MYO5A: variants seen among roughly 807,000 people sequenced by gnomAD.
MYO5A encodes unconventional myosin-Va.
In MYO5A, 98 loss-of-function variants were observed where a neutral mutation model predicts 249.7. The observed-to-expected ratio is 0.39, with a 90% CI of 0.33 to 0.46. The LOEUF (loss-of-function observed/expected upper bound fraction) is 0.46. Among genes scored for constraint, MYO5A ranks in the 20% least tolerant of loss-of-function variants. MYO5A has a pLI of 0.98. For missense variants in MYO5A, 1,696 were observed against 2,308.8 expected (o/e 0.73, Z 5.44); for synonymous variants, 778 against 810.6 (o/e 0.96, Z 0.68).
intron 1 of MYO5A, among the ~76,000 whole-genome samples, chr15:52,457,776 A>G (rs930405238): frequency 6.6e-6 from 1 of 152,220 alleles, no homozygotes; most frequent in African/African-American, 2.4e-5. Context: ...TTCAAGGGAA[A>G]GGAAATCAGT....
At position 52,313,581 on chromosome 15, in the gene MYO5A, T is replaced by G. The variant is rs188713510; in HGVS notation, c.*115A>C. The G allele has an allele frequency of 1.5e-6, 2 of 1,298,994 alleles. No individual in the cohort carries two copies. The highest frequency in any genetic ancestry group is 1.9e-5 in the Admixed American group (1 of 53,634). 80.5% of individuals were successfully genotyped at this position (1,298,994 alleles called of 1,614,324 possible). On this transcript the variant is annotated 3_prime_UTR_variant, in exon 42 of 42. Transcript: ENST00000399233. ...AGATTTCCAGTTAATGACTTCTCAT[T>G]TGGGAGATAATCAGTACTTTCTCTT...
intron 21 of MYO5A, among the ~76,000 whole-genome samples, chr15:52,371,293 T>C (rs2041100255): frequency 6.6e-6 from 1 of 152,178 alleles, no homozygotes; most frequent in African/African-American, 2.4e-5. Context: ...TACCTTTATA[T>C]CATTTACATG....
At chr15:52,515,643 TGAA>T (rs906392958) in intron 1 of MYO5A, among the ~76,000 whole-genome samples, 5 of 152,140 alleles carry the variant, frequency 3.3e-5, no homozygotes, top group South Asian at 2.1e-4. Context: ...TAGGGTAGTA[TGAA>T]GAAGGAGGGA....
chr15:52,397,659 A>G (rs940794020), intron 9 of MYO5A, among the ~76,000 whole-genome samples, 193 bp from the exon 10 acceptor site: 4 of 152,178 alleles, frequency 2.6e-5, no homozygotes, highest in African/African-American at 4.8e-5. Context: ...GCATTTTGCA[A>G]TCTCTTCTGG....
intron 18 of MYO5A, among the ~76,000 whole-genome samples, chr15:52,377,521 T>C (rs1485067177): frequency 1.3e-5 from 2 of 152,156 alleles, no homozygotes; most frequent in African/African-American, 4.8e-5. Context: ...TTAATCATTC[T>C]TGCATCAAAG....
intron 1 of MYO5A, among the ~76,000 whole-genome samples, chr15:52,457,293 T>A (rs2076137257): frequency 6.6e-6 from 1 of 151,666 alleles, no homozygotes; most frequent in South Asian, 2.1e-4. Flanking sequence ...AATACAAAAA[T>A]TAGCCAGGTG....
At chr15:52,499,040 G>C (rs898805230) in intron 1 of MYO5A, among the ~76,000 whole-genome samples, 3 of 152,096 alleles carry the variant, frequency 2.0e-5, no homozygotes, top group Admixed American at 6.5e-5. Context: ...AGGCTTTGTG[G>C]GGCAGAGCCA....
intron 1 of MYO5A, among the ~76,000 whole-genome samples, chr15:52,486,162 G>A (rs2076815702): frequency 1.3e-5 from 2 of 152,202 alleles, no homozygotes; most frequent in Admixed American, 6.5e-5. Flanking sequence ...AGCTGGGGGT[G>A]GGGGATGGTG....
chr15:52,309,809 T>C lies in MYO5A; in HGVS notation c.*3887A>G, dbSNP rs2037721780. On this transcript the variant is annotated 3_prime_UTR_variant, in exon 42 of 42. Transcript: ENST00000399233. ...TACCCAGAGGATCCTTGACTATGCC[T>C]GCTAAGGAACTCTATGAATTAGTGA... is the stretch of plus-strand genomic sequence containing the variant. The C allele has an allele frequency of 6.6e-6, 1 of 152,168 alleles. No individual in the cohort carries two copies. The allele number at this position is 152,168 out of a possible 1,614,324, so 9.4% of individuals were successfully genotyped here. A position where few individuals can be genotyped will look rare whatever the true frequency, so the allele number is the denominator to read the frequency against.
chr15:52,521,795 C>T (rs11854780), intron 1 of MYO5A, among the ~76,000 whole-genome samples: 22,871 of 152,116 alleles, frequency 0.15, 1,825 homozygotes, highest in Middle Eastern at 0.22. Context: ...CATGAAGAGC[C>T]AGGGATAAGT....
intron 1 of MYO5A, among the ~76,000 whole-genome samples, chr15:52,469,503 C>G (rs72623984): frequency 0.15 from 22,873 of 152,082 alleles, 1,833 homozygotes; most frequent in Middle Eastern, 0.22. Context: ...AAGAGGAGGG[C>G]TTGGTCTTGC....
chr15:52,412,142 TACTCAATAAAC>T lies in MYO5A; in HGVS notation c.613-1677_613-1667del, dbSNP rs139737674. 3.8e-3 allele frequency among the ~76,000 whole-genome samples: 572 copies of T among 152,264 alleles called. 2 individuals are homozygous for T. Among genetic ancestry groups the T allele is most frequent in the Non-Finnish European group, 6.1e-3 (418 of 68,028 alleles). ...TACATGTAGTAGAAGTAGCAGCAGCTACTCAATAAACACTCAATAAATATTAGTAACTGTCC... is the reference window on the plus strand; with the variant it reads ...TACATGTAGTAGAAGTAGCAGCAGCTACTCAATAAATATTAGTAACTGTCC... On this transcript the variant is annotated intron_variant, in intron 5 of 41. Transcript: ENST00000399233.
At position 52,376,343 on chromosome 15, in the gene MYO5A, C is replaced by G; in HGVS notation, c.2420+4G>C. ...GCACTCTACTCTGTCCCCAGGAGACCTACCATCGGGCCTGGTAGCCCCGCA... is the reference window on the plus strand; with the variant it reads ...GCACTCTACTCTGTCCCCAGGAGACGTACCATCGGGCCTGGTAGCCCCGCA... On this transcript the variant is annotated splice_donor_region_variant and intron_variant, in intron 19 of 41. Coordinates refer to ENST00000399233, the MANE Select transcript of MYO5A (RefSeq NM_001382347.1). 6.2e-7 allele frequency: 1 copy of G among 1,613,716 alleles called. No individual in the cohort carries two copies. Among genetic ancestry groups the G allele is most frequent in the Non-Finnish European group, 8.5e-7 (1 of 1,179,938 alleles).
At chr15:52,512,651 A>G (rs2141624843) in intron 1 of MYO5A, among the ~76,000 whole-genome samples, 1 of 152,270 alleles carries the variant, frequency 6.6e-6, no homozygotes, top group South Asian at 2.1e-4. Flanking sequence ...CTGGGCATTT[A>G]TTATTTTTAT....
chr15:52,429,621 A>G (rs1174279958), intron 2 of MYO5A, among the ~76,000 whole-genome samples: 3 of 152,070 alleles, frequency 2.0e-5, no homozygotes, highest in South Asian at 2.1e-4. Context: ...CCCTGGAGGC[A>G]GAGGTTGCAG....
intron 10 of MYO5A, 126 bp from the exon 11 acceptor site, chr15:52,396,523 A>T: frequency 4.7e-6 from 3 of 640,180 alleles, no homozygotes; most frequent in Non-Finnish European, 8.2e-6. Context: ...CTTTCTTTCC[A>T]TATCAGTGAA....
chr15:52,501,444 T>C (rs1321309851), intron 1 of MYO5A, among the ~76,000 whole-genome samples: 1 of 151,762 alleles, frequency 6.6e-6, no homozygotes, highest in Non-Finnish European at 1.5e-5. Context: ...TACAAAAAAA[T>C]ACAAAAATTA....
Position 52,336,593 on chromosome 15 carries a change from A to T in MYO5A, c.4315-37T>A, listed in dbSNP as rs542152308. On this transcript the variant is annotated intron_variant, in intron 33 of 41. Transcript: ENST00000399233. Reference sequence around the variant, plus strand: ...AAAGAGAAATATATTAGAAAAATCGAAACAGGCCTTCTAAAATGCATCAAA... The same window carrying T: ...AAAGAGAAATATATTAGAAAAATCGTAACAGGCCTTCTAAAATGCATCAAA... 73 of 1,442,788 alleles carry T rather than the reference A, an allele frequency of 5.1e-5. 2 individuals are homozygous for T. In the South Asian group the frequency reaches 8.6e-4, roughly 17 times the overall value. 89.4% of individuals were successfully genotyped at this position (1,442,788 alleles called of 1,614,324 possible).
intron 21 of MYO5A, among the ~76,000 whole-genome samples, chr15:52,371,360 T>C (rs1431395453): frequency 6.6e-6 from 1 of 152,218 alleles, no homozygotes; most frequent in East Asian, 1.9e-4. Flanking sequence ...TGCAACAGAT[T>C]GCAAGTTCAT....
Sources: gnomAD v4.1 joint callset for allele counts (sites outside exome capture counted in the v4.1 genomes callset) on GRCh38, gnomAD v4.1.1 for gene constraint, MANE v1.5 for transcripts, NCBI Gene and HGNC (gene_info 2026-07-23, HGNC 2026-07-21) for gene names.